The following UNC79 variants were observed in gnomAD, a reference collection of about 807,000 sequenced individuals.
UNC79 encodes the protein unc-79 subunit of NALCN channel complex.
In UNC79, 37 loss-of-function variants were observed where a neutral mutation model predicts 283.1. The ratio of observed to expected loss-of-function variants is 0.13; its 90% confidence interval spans 0.10 to 0.17. UNC79 has a LOEUF of 0.17. UNC79 is among the 10% of genes least tolerant of loss of function. The pLI is 1.00. For missense variants in UNC79, 2,272 were observed against 3,211.1 expected (o/e 0.71, Z 7.07); for synonymous variants, 1,107 against 1,200.2 (o/e 0.92, Z 1.61).
chr14:93,693,002 C>G (rs1157154686), intron 46 of UNC79, among the ~76,000 whole-genome samples: 1 of 152,190 alleles, frequency 6.6e-6, no homozygotes, highest in East Asian at 1.9e-4. Context: ...ACACTGCCCA[C>G]AAAAGGCATT....
intron 45 of UNC79, 175 bp from the exon 49 acceptor site, chr14:93,691,574 G>C (rs774529574): frequency 6.0e-6 from 4 of 665,180 alleles, no homozygotes; most frequent in Non-Finnish European, 1.0e-5. Context: ...GTGGAGAAGA[G>C]AGCACAGCAG....
At chr14:93,427,281 G>A (rs146961589), upstream of UNC79, among the ~76,000 whole-genome samples, 1 of 152,258 alleles carries the variant, frequency 6.6e-6, no homozygotes, top group African/African-American at 2.4e-5. Flanking sequence ...CTGTGAGTAT[G>A]CTATTGGAGT....
At chr14:93,455,509 AG>A (rs2056771047) in intron 1 of UNC79, among the ~76,000 whole-genome samples, 2 of 151,668 alleles carry the variant, frequency 1.3e-5, no homozygotes. Flanking sequence ...GTGTGTGTGT[AG>A]GGGGCTATTC....
intron 42 of UNC79, among the ~76,000 whole-genome samples, chr14:93,684,592 T>C (rs1240188842): frequency 1.3e-5 from 2 of 152,156 alleles, no homozygotes; most frequent in Non-Finnish European, 2.9e-5. Context: ...CTCAATCTTA[T>C]AAACATTATA....
intron 1 of UNC79, among the ~76,000 whole-genome samples, chr14:93,335,724 G>A (rs2053564342): frequency 6.6e-6 from 1 of 152,184 alleles, no homozygotes; most frequent in Admixed American, 6.5e-5. Flanking sequence ...TAGGAAAGGA[G>A]GAAGACCATA....
chr14:93,641,624 G>T (rs1284201267), intron 33 of UNC79, among the ~76,000 whole-genome samples: 4 of 152,180 alleles, frequency 2.6e-5, no homozygotes, highest in African/African-American at 9.7e-5. Flanking sequence ...CTACACTCCT[G>T]CCTGGGTGAT....
chr14:93,538,226 G>C lies in UNC79; in HGVS notation c.1352+8G>C, dbSNP rs1366346318. 6.4e-7 allele frequency: 1 copy of C among 1,561,712 alleles called. No homozygotes were observed. The highest frequency in any genetic ancestry group is 8.7e-7 in the Non-Finnish European group (1 of 1,152,838). On this transcript the variant is annotated splice_region_variant and intron_variant, in intron 12 of 48. Transcript: ENST00000555664. ...CGTGGAAGCCGTGATCAGGTAACAC[G>C]CAGTTTCTTAGTAGCTGCCTCTGAC...
chr14:93,702,816 C>G (rs1004291445), intron 47 of UNC79, among the ~76,000 whole-genome samples: 6 of 152,206 alleles, frequency 3.9e-5, no homozygotes, highest in Non-Finnish European at 7.3e-5. Context: ...AGGTGGAATC[C>G]TTCCCCATCC....
At chr14:93,357,808 GATATATATATATGGATATATGGATATGT>G (rs2054131202) in intron 1 of UNC79, among the ~76,000 whole-genome samples, 8 of 86,438 alleles carry the variant, frequency 9.3e-5, no homozygotes, top group Non-Finnish European at 1.9e-4. Flanking sequence ...TGGATATATG[GATATATATATATGGATATATGGATATGT>G]ATATATATGG....
rs2061330498 is a variant in UNC79, at chr14:93,540,610, A to G, written c.1353-50A>G. The G allele has an allele frequency of 3.1e-6, 5 of 1,589,614 alleles. No individual in the cohort carries two copies. The East Asian group carries it at 1.1e-4, about 35-fold the overall frequency. On this transcript the variant is annotated intron_variant, in intron 12 of 48. Transcript: ENST00000555664. ...ACTTCCTCTGAATGGGTCATGATCT[A>G]GAATGTGTTTTTTCACAGTCTAACT... is the stretch of plus-strand genomic sequence containing the variant.
chr14:93,423,956 C>G (rs1004425257), intron 1 of UNC79, among the ~76,000 whole-genome samples: 3 of 152,178 alleles, frequency 2.0e-5, no homozygotes, highest in African/African-American at 7.2e-5. Flanking sequence ...ATATTTCAAA[C>G]TACCTATTTG....
In UNC79 at chr14:93,530,994, T is replaced by C. The variant is rs545824877; in HGVS notation, c.1094-1556T>C. ...TTGGGCTCATATGGGTAAATTTAACTTTTTTTCCTTTAAATTATGCTACTT... is the reference window on the plus strand; with the variant it reads ...TTGGGCTCATATGGGTAAATTTAACCTTTTTTCCTTTAAATTATGCTACTT... On this transcript the variant is annotated intron_variant, in intron 10 of 48. Coordinates refer to ENST00000555664, the Ensembl canonical transcript of UNC79. 2.6e-4 allele frequency among the ~76,000 whole-genome samples: 40 copies of C among 152,292 alleles called. 1 individual carries two copies. In the South Asian group the frequency reaches 8.1e-3, roughly 31 times the overall value.
chr14:93,666,780 A>G (rs550796663), intron 40 of UNC79, among the ~76,000 whole-genome samples: 3 of 152,316 alleles, frequency 2.0e-5, no homozygotes, highest in South Asian at 2.1e-4. Flanking sequence ...GAATCAACCA[A>G]TTTTAGAACA....
chr14:93,540,533 C>T, intron 12 of UNC79, 127 bp from the exon 13 acceptor site: 1 of 988,712 alleles, frequency 1.0e-6, no homozygotes, highest in East Asian at 2.5e-5. Flanking sequence ...CTCAGTAACA[C>T]AGTACTCAAT....
chr14:93,655,051 C>A (rs571798926), intron 37 of UNC79, among the ~76,000 whole-genome samples, 183 bp from the exon 41 acceptor site: 1 of 152,166 alleles, frequency 6.6e-6, no homozygotes, highest in South Asian at 2.1e-4. Flanking sequence ...AATTTTCCCC[C>A]TTAAGTTTGT....
At chr14:93,333,581 G>C in intron 1 of UNC79, 1 of 395,292 alleles carries the variant, frequency 2.5e-6, no homozygotes, top group Non-Finnish European at 4.5e-6. Flanking sequence ...TGTGTAGTAG[G>C]TTAAAAAATA....
chr14:93,595,305 G>A (rs1371522343), intron 23 of UNC79, among the ~76,000 whole-genome samples: 1 of 152,028 alleles, frequency 6.6e-6, no homozygotes, highest in African/African-American at 2.4e-5. Context: ...GGCCAGGCTG[G>A]TCTTGAACTC....
chr14:93,683,629 T>A (rs1021199688), intron 42 of UNC79, among the ~76,000 whole-genome samples: 1 of 152,108 alleles, frequency 6.6e-6, no homozygotes, highest in African/African-American at 2.4e-5. Context: ...ATGTCCCTAA[T>A]AATAAAAGGG....
At chr14:93,429,363 A>G (rs530667866), upstream of UNC79, among the ~76,000 whole-genome samples, 10 of 152,352 alleles carry the variant, frequency 6.6e-5, no homozygotes, top group South Asian at 2.1e-3. Context: ...GCAACCTGCC[A>G]ATCAGCAGGA....
Sources: gnomAD v4.1 joint callset for allele counts (sites outside exome capture counted in the v4.1 genomes callset) on GRCh38, gnomAD v4.1.1 for gene constraint, MANE v1.5 for transcripts, NCBI Gene and HGNC (gene_info 2026-07-23, HGNC 2026-07-21) for gene names.